MRPL48: variants seen among roughly 807,000 people sequenced by gnomAD.
The protein encoded by MRPL48 is mitochondrial ribosomal protein L48.
MRPL48 carries 16 observed loss-of-function variants against 32.9 expected under a neutral mutation model. The ratio of observed to expected loss-of-function variants is 0.49; its 90% CI spans 0.33 to 0.74. MRPL48 has a LOEUF of 0.74. Ranked by LOEUF, MRPL48 falls within the 30% of genes least tolerant of loss-of-function variation. The pLI, the probability that MRPL48 is intolerant of heterozygous loss-of-function variation, is 0.02. For synonymous variants in MRPL48, 94 were observed against 89.2 expected, an observed-to-expected ratio of 1.05 and a Z score of -0.31; for missense variants, 206 against 245.3, an observed-to-expected ratio of 0.84 and a Z score of 1.07.
chr11:73,834,988 C>T (rs1948070340), intron 4 of MRPL48, among the ~76,000 whole-genome samples: 2 of 151,020 alleles, frequency 1.3e-5, no homozygotes, highest in African/African-American at 4.9e-5. Flanking sequence ...CACGCCATCA[C>T]ACAGGGCTAA....
intron 5 of MRPL48, among the ~76,000 whole-genome samples, chr11:73,850,109 C>G (rs184497053): frequency 3.3e-5 from 5 of 151,812 alleles, no homozygotes; most frequent in Admixed American, 2.6e-4. Context: ...TTAAAAACAG[C>G]AACAACAAAA....
intron 4 of MRPL48, among the ~76,000 whole-genome samples, chr11:73,839,569 T>A (rs1009767332): frequency 1.4e-4 from 21 of 152,144 alleles, no homozygotes; most frequent in African/African-American, 5.1e-4. Flanking sequence ...TTCGGCTGGA[T>A]GATCATGTGA....
chr11:73,797,455 G>A (rs1366581207), intron 1 of MRPL48, among the ~76,000 whole-genome samples: 1 of 152,204 alleles, frequency 6.6e-6, no homozygotes, highest in Non-Finnish European at 1.5e-5. Context: ...AGACCTGGGA[G>A]CTCCCTGAGC....
intron 4 of MRPL48, chr11:73,843,465 C>CCG (rs1369089735): frequency 9.9e-5 from 15 of 151,928 alleles, no homozygotes; most frequent in African/African-American, 3.1e-4. Context: ...ACCTCGTGAT[C>CCG]CATCCAACTC....
At chr11:73,812,745 TTTATTTA>T (rs1168250308) in intron 3 of MRPL48, among the ~76,000 whole-genome samples, 16 of 147,786 alleles carry the variant, frequency 1.1e-4, no homozygotes, top group African/African-American at 3.7e-4. Context: ...TATATATTTA[TTTATTTA>T]TTTTTTATTG....
At chr11:73,846,596 G>A (rs1403715522) in intron 5 of MRPL48, among the ~76,000 whole-genome samples, 4 of 151,760 alleles carry the variant, frequency 2.6e-5, no homozygotes, top group Non-Finnish European at 5.9e-5. Flanking sequence ...CTGACCTCAA[G>A]TGATCACCTG....
At position 73,818,623 on chromosome 11, in the gene MRPL48, G is replaced by A. The variant is rs578191175; in HGVS notation, c.113-7085G>A. On this transcript the variant is annotated intron_variant, in intron 3 of 7. Coordinates refer to ENST00000310614, the MANE Select transcript of MRPL48 (RefSeq NM_016055.6). ...CAGGTGGTGGCATTGTTTCTGCCCT[G>A]GAGGGCCTTACAGTCTGTTGAGTGG... is the stretch of plus-strand genomic sequence containing the variant. Among the ~76,000 whole-genome samples the A allele has an allele frequency of 2.0e-4, 31 of 152,216 alleles. 1 individual carries two copies. The highest frequency in any genetic ancestry group is 3.9e-4 in the Admixed American group (6 of 15,270).
intron 4 of MRPL48, among the ~76,000 whole-genome samples, chr11:73,835,478 CT>C (rs1371079144): frequency 6.6e-6 from 1 of 152,220 alleles, no homozygotes; most frequent in African/African-American, 2.4e-5. Context: ...ACTTTGCAAA[CT>C]GCAGTTGCTT....
At chr11:73,790,879 TC>T (rs1947138328) in intron 1 of MRPL48, among the ~76,000 whole-genome samples, 1 of 138,694 alleles carries the variant, frequency 7.2e-6, no homozygotes, top group Admixed American at 7.4e-5. Context: ...CCTTTTCTGT[TC>T]TTTTTTTTTT....
rs1276528201 is a variant in MRPL48, at chr11:73,844,791, T to C, written c.202-16T>C. ...TATAATACTTTATTTTCTTTCTCTCTTTGTTTTCTCTTCAGCCCAAGAAGA... is the reference window on the plus strand; with the variant it reads ...TATAATACTTTATTTTCTTTCTCTCCTTGTTTTCTCTTCAGCCCAAGAAGA... On this transcript the variant is annotated splice_polypyrimidine_tract_variant and intron_variant, in intron 4 of 7. Coordinates refer to ENST00000310614, the MANE Select transcript of MRPL48 (RefSeq NM_016055.6). 6.2e-7 allele frequency: 1 copy of C among 1,605,650 alleles called. No homozygotes were observed. The highest frequency in any genetic ancestry group is 1.1e-5 in the South Asian group (1 of 88,772).
At chr11:73,840,027 G>A (rs964989592) in intron 4 of MRPL48, among the ~76,000 whole-genome samples, 39 of 151,344 alleles carry the variant, frequency 2.6e-4, no homozygotes, top group Middle Eastern at 3.4e-3. Context: ...GAGACCCGGA[G>A]TTCCAGGCTG....
chr11:73,799,736 T>G (rs1359465195), intron 1 of MRPL48, among the ~76,000 whole-genome samples: 1 of 152,152 alleles, frequency 6.6e-6, no homozygotes, highest in Non-Finnish European at 1.5e-5. Context: ...CAATAAGCAA[T>G]GTATCCATTT....
intron 3 of MRPL48, among the ~76,000 whole-genome samples, chr11:73,824,845 A>C (rs1947854154): frequency 6.6e-6 from 1 of 152,202 alleles, no homozygotes. Flanking sequence ...TTCTCAAAGA[A>C]AGATGAGTAG....
At chr11:73,793,709 A>G (rs1204285275) in intron 1 of MRPL48, among the ~76,000 whole-genome samples, 2 of 151,916 alleles carry the variant, frequency 1.3e-5, no homozygotes, top group Non-Finnish European at 2.9e-5. Context: ...ATAGTATGGG[A>G]GTGAGAATTG....
intron 3 of MRPL48, among the ~76,000 whole-genome samples, chr11:73,825,298 G>A (rs926351464): frequency 5.5e-5 from 8 of 146,462 alleles, no homozygotes; most frequent in East Asian, 3.9e-4. Context: ...GTGTGTGTGT[G>A]TGTGTGTGTG....
chr11:73,833,041 G>A (rs750204807), intron 4 of MRPL48, among the ~76,000 whole-genome samples: 20 of 152,100 alleles, frequency 1.3e-4, no homozygotes, highest in Non-Finnish European at 2.9e-5. Flanking sequence ...ATTCCTTCAC[G>A]ATGTTTTACA....
chr11:73,796,793 A>G (rs1262575800), intron 1 of MRPL48, among the ~76,000 whole-genome samples: 1 of 152,184 alleles, frequency 6.6e-6, no homozygotes, highest in Admixed American at 6.5e-5. Flanking sequence ...GTCTGGGTGT[A>G]GTGGCTCATG....
intron 3 of MRPL48, chr11:73,817,731 A>G: frequency 3.5e-6 from 1 of 285,490 alleles, no homozygotes; most frequent in Non-Finnish European, 7.1e-6. Context: ...CACCAGGATA[A>G]TTTCCACTTG....
chr11:73,834,463 G>A (rs1471714483), intron 4 of MRPL48, among the ~76,000 whole-genome samples: 2 of 151,634 alleles, frequency 1.3e-5, no homozygotes, highest in Non-Finnish European at 2.9e-5. Context: ...GGAAGCAGTG[G>A]TCATCATGTT....
Sources: gnomAD v4.1 joint callset for allele counts (sites outside exome capture counted in the v4.1 genomes callset) on GRCh38, gnomAD v4.1.1 for gene constraint, MANE v1.5 for transcripts, NCBI Gene and HGNC (gene_info 2026-07-23, HGNC 2026-07-21) for gene names.